The following SLC67A2 variants were observed in gnomAD, a reference collection of about 807,000 sequenced individuals.
SLC67A2 encodes the protein solute carrier family 67 member A2.
the SLC67A2 span, chr2:102,736,842 C>A: frequency 6.4e-7 from 1 of 1,572,682 alleles, no homozygotes; most frequent in South Asian, 1.2e-5. Context: ...GACGCAGCAG[C>A]AGCCGCGGAC....
chr2:102,714,938 A>G, the SLC67A2 span, among the ~76,000 whole-genome samples: 8 of 152,336 alleles, frequency 5.3e-5, no homozygotes, highest in South Asian at 1.4e-3. Flanking sequence ...CACTCCTGAT[A>G]GATTTCTAAA....
the SLC67A2 span, chr2:102,736,532 G>C: frequency 1.2e-6 from 2 of 1,603,010 alleles, no homozygotes; most frequent in East Asian, 2.2e-5. Flanking sequence ...GCACTCACCA[G>C]GCGGACTGCG....
chr2:102,716,222 A>T, the SLC67A2 span: 1 of 152,238 alleles, frequency 6.6e-6, no homozygotes, highest in African/African-American at 2.4e-5. Flanking sequence ...ATAAAGACTC[A>T]TTAAGTTTAT....
the SLC67A2 span, among the ~76,000 whole-genome samples, chr2:102,730,722 T>C: frequency 6.6e-6 from 1 of 150,846 alleles, no homozygotes; most frequent in Non-Finnish European, 1.5e-5. Context: ...TTTTTGTATC[T>C]TTTTTTTTAG....
chr2:102,735,823 A>G, the SLC67A2 span, among the ~76,000 whole-genome samples: 1 of 143,910 alleles, frequency 6.9e-6, no homozygotes, highest in East Asian at 2.1e-4. Context: ...GCACTCAGGG[A>G]GCAAACCAGG....
chr2:102,727,711 A>T, the SLC67A2 span, among the ~76,000 whole-genome samples: 2 of 151,912 alleles, frequency 1.3e-5, no homozygotes, highest in African/African-American at 4.8e-5. Context: ...CTATGCAGGC[A>T]TTTTTTTTAG....
the SLC67A2 span, chr2:102,736,703 G>A: frequency 1.7e-5 from 28 of 1,613,544 alleles, no homozygotes; most frequent in East Asian, 6.0e-4. Context: ...CGGCACCGGA[G>A]TCGGCAGCCT....
chr2:102,722,348 A>T, the SLC67A2 span, among the ~76,000 whole-genome samples: 1 of 152,176 alleles, frequency 6.6e-6, no homozygotes, highest in Non-Finnish European at 1.5e-5. Context: ...CATGGCCAGA[A>T]TGTATGGAGG....
chr2:102,732,166 TAGGGTA>T, the SLC67A2 span: 1 of 745,344 alleles, frequency 1.3e-6, no homozygotes, highest in Non-Finnish European at 2.4e-6. Context: ...GCATTTGCTA[TAGGGTA>T]ATATTTTAAA....
chr2:102,723,628 G>C, the SLC67A2 span: 1 of 1,449,236 alleles, frequency 6.9e-7, no homozygotes, highest in African/African-American at 1.4e-5. Flanking sequence ...GAATTGCAAA[G>C]AAATAAGAGA....
chr2:102,715,905 AGACCAGG>A, the SLC67A2 span: 2 of 152,176 alleles, frequency 1.3e-5, no homozygotes, highest in African/African-American at 4.8e-5. Context: ...ACTACCCCTT[AGACCAGG>A]GGTTTTCAAA....
the SLC67A2 span, chr2:102,718,555 C>T: frequency 3.0e-5 from 49 of 1,612,802 alleles, no homozygotes; most frequent in African/African-American, 4.5e-4. Flanking sequence ...GGGCAACCCC[C>T]GAGAGGAGAG....
At chr2:102,720,962 T>G in the SLC67A2 span, among the ~76,000 whole-genome samples, 1 of 152,216 alleles carries the variant, frequency 6.6e-6, no homozygotes, top group Admixed American at 6.5e-5. Flanking sequence ...GGACAGTATG[T>G]GCTGTCTAGC....
the SLC67A2 span, chr2:102,723,561 G>T: frequency 1.3e-6 from 1 of 760,076 alleles, no homozygotes; most frequent in Non-Finnish European, 2.1e-6. Flanking sequence ...CACTAGGGGG[G>T]GTTCCTCAAA....
the SLC67A2 span, among the ~76,000 whole-genome samples, chr2:102,736,107 T>C: frequency 6.6e-6 from 1 of 152,174 alleles, no homozygotes; most frequent in African/African-American, 2.4e-5. Flanking sequence ...AATGCGCAGT[T>C]TGTCGAAAGG....
chr2:102,719,132 T>C, the SLC67A2 span: 6 of 1,614,050 alleles, frequency 3.7e-6, no homozygotes, highest in African/African-American at 6.7e-5. Context: ...CAACAGCACA[T>C]GGGTCTTTCG....
the SLC67A2 span, among the ~76,000 whole-genome samples, chr2:102,733,091 C>A: frequency 1.5e-4 from 23 of 152,138 alleles, no homozygotes; most frequent in South Asian, 2.1e-4. Context: ...TTGAGAAAGG[C>A]CTAATAAAAC....
the SLC67A2 span, among the ~76,000 whole-genome samples, chr2:102,727,147 C>T: frequency 6.6e-6 from 1 of 151,852 alleles, no homozygotes; most frequent in Non-Finnish European, 1.5e-5. Context: ...CTGATCTTCA[C>T]ACACAGTGAA....
At chr2:102,723,840 G>C in the SLC67A2 span, 3 of 1,614,150 alleles carry the variant, frequency 1.9e-6, no homozygotes, top group South Asian at 3.3e-5. Context: ...GATTACAAGC[G>C]GCCGTTCCTT....
Sources: allele counts gnomAD v4.1 joint callset (sites outside exome capture counted in the v4.1 genomes callset), GRCh38; gene constraint gnomAD v4.1.1; transcripts MANE v1.5; gene names NCBI Gene and HGNC (gene_info 2026-07-23, HGNC 2026-07-21).